Variants in CSMD1 observed in about 807,000 individuals in gnomAD.
CSMD1 encodes the protein CUB and Sushi multiple domains 1.
In CSMD1, 213 loss-of-function variants were observed where a neutral mutation model predicts 417.5. The observed-to-expected ratio is 0.51, with a 90% CI of 0.46 to 0.57. The LOEUF (loss-of-function observed/expected upper bound fraction) is 0.57, where lower values mean the gene tolerates loss of function less well. CSMD1 is among the 20% of genes least tolerant of loss of function. The probability of loss-of-function intolerance (pLI) is 0.00; values close to 1 mark genes in which losing one functional copy is unlikely to be tolerated. For missense variants in CSMD1, 6,923 were observed against 4,529.7 expected, an observed-to-expected ratio of 1.53 and a Z score of -15.17; for synonymous variants, 2,862 against 1,736.8, an observed-to-expected ratio of 1.65 and a Z score of -16.11.
At chr8:4,339,091 T>C (rs530668428) in intron 3 of CSMD1, among the ~76,000 whole-genome samples, 5 of 152,132 alleles carry the variant, frequency 3.3e-5, no homozygotes, top group African/African-American at 1.2e-4. Context: ...GGATTCTGAG[T>C]CTAGACAAAA....
At chr8:3,194,459 T>TATTTTATTTTATTTTATTTTATTTC (rs1362170813) in intron 33 of CSMD1, among the ~76,000 whole-genome samples, 3 of 122,872 alleles carry the variant, frequency 2.4e-5, no homozygotes, top group Admixed American at 1.6e-4. Flanking sequence ...TATTTTATTT[T>TATTTTATTTTATTTTATTTTATTTC]ATTTCATTTC....
chr8:4,522,184 G>A (rs749406766), intron 2 of CSMD1, among the ~76,000 whole-genome samples: 3 of 152,070 alleles, frequency 2.0e-5, no homozygotes, highest in Non-Finnish European at 4.4e-5. Flanking sequence ...AATGAGTCTC[G>A]TGAGAGCTGA....
chr8:4,151,584 T>A, intron 3 of CSMD1, among the ~76,000 whole-genome samples: 1 of 152,206 alleles, frequency 6.6e-6, no homozygotes, highest in East Asian at 1.9e-4. Flanking sequence ...AATGTTATCC[T>A]TGTCAGATAT....
At chr8:3,839,146 CTATA>C (rs1802929900) in intron 5 of CSMD1, among the ~76,000 whole-genome samples, 1 of 123,908 alleles carries the variant, frequency 8.1e-6, no homozygotes, top group African/African-American at 3.0e-5. Context: ...TATATATAGT[CTATA>C]TATCTATAGT....
chr8:3,401,196 C>T (rs1177255699), intron 15 of CSMD1, among the ~76,000 whole-genome samples: 1 of 151,926 alleles, frequency 6.6e-6, no homozygotes, highest in Non-Finnish European at 1.5e-5. Flanking sequence ...AGACATATGG[C>T]AGATGCAGAA....
At chr8:4,664,706 G>A (rs186457786) in intron 1 of CSMD1, among the ~76,000 whole-genome samples, 12 of 152,110 alleles carry the variant, frequency 7.9e-5, no homozygotes, top group African/African-American at 2.4e-4. Flanking sequence ...AAAAATAAAA[G>A]CAAAATTTTA....
intron 9 of CSMD1, among the ~76,000 whole-genome samples, chr8:3,582,420 C>T (rs77227439): frequency 6.6e-6 from 1 of 152,094 alleles, no homozygotes; most frequent in Non-Finnish European, 1.5e-5. Context: ...GAGGAACTTA[C>T]GTATTTTAAT....
chr8:4,358,743 T>C (rs1053145367), intron 3 of CSMD1, among the ~76,000 whole-genome samples: 6 of 152,170 alleles, frequency 3.9e-5, no homozygotes, highest in African/African-American at 1.4e-4. Flanking sequence ...AAGATAAGTG[T>C]ATATGATTTC....
At chr8:4,583,513 A>T (rs1031696292) in intron 2 of CSMD1, among the ~76,000 whole-genome samples, 1 of 152,064 alleles carries the variant, frequency 6.6e-6, no homozygotes, top group Non-Finnish European at 1.5e-5. Context: ...TAAATACACC[A>T]ATCGACACTC....
chr8:4,370,582 G>C (rs1294543673), intron 3 of CSMD1, among the ~76,000 whole-genome samples: 1 of 152,162 alleles, frequency 6.6e-6, no homozygotes, highest in Non-Finnish European at 1.5e-5. Flanking sequence ...AATGAGTTGT[G>C]TTTGGTCTCT....
chr8:4,610,603 G>A (rs1381467787), intron 2 of CSMD1, among the ~76,000 whole-genome samples: 2 of 152,040 alleles, frequency 1.3e-5, no homozygotes, highest in Non-Finnish European at 1.5e-5. Context: ...AATATCTGAT[G>A]GCTGAGTTAC....
intron 1 of CSMD1, among the ~76,000 whole-genome samples, chr8:4,846,110 G>T (rs190831066): frequency 3.9e-5 from 6 of 152,078 alleles, no homozygotes; most frequent in Non-Finnish European, 8.8e-5. Flanking sequence ...GAACTTCCAC[G>T]TGGCCATTGA....
At chr8:4,669,714 C>A (rs1236274748) in intron 1 of CSMD1, among the ~76,000 whole-genome samples, 1 of 152,094 alleles carries the variant, frequency 6.6e-6, no homozygotes, top group East Asian at 1.9e-4. Context: ...TGTTTCTTTT[C>A]TTAAACCCTC....
At chr8:4,970,650 A>G (rs942435842) in intron 1 of CSMD1, among the ~76,000 whole-genome samples, 1 of 152,128 alleles carries the variant, frequency 6.6e-6, no homozygotes, top group Non-Finnish European at 1.5e-5. Context: ...AACACATCAT[A>G]AAAACACTTA....
At chr8:3,509,157 A>T (rs10108457) in intron 10 of CSMD1, among the ~76,000 whole-genome samples, 88,524 of 151,982 alleles carry the variant, frequency 0.58, 26,385 homozygotes, top group African/African-American at 0.7. Flanking sequence ...GATAAGGTCA[A>T]CTCAAAAGTT....
At chr8:4,807,811 C>A (rs1056166311) in intron 1 of CSMD1, among the ~76,000 whole-genome samples, 1 of 151,978 alleles carries the variant, frequency 6.6e-6, no homozygotes, top group African/African-American at 2.4e-5. Context: ...CCATAGAAGC[C>A]AGCCATAATA....
intron 5 of CSMD1, among the ~76,000 whole-genome samples, chr8:3,935,356 T>C (rs539742418): frequency 2.1e-4 from 32 of 152,306 alleles, no homozygotes; most frequent in East Asian, 1.2e-3. Flanking sequence ...ACTTAAGAAA[T>C]TGTCATACAC....
intron 3 of CSMD1, among the ~76,000 whole-genome samples, chr8:4,260,788 C>T (rs370557598): frequency 6.6e-6 from 1 of 152,164 alleles, no homozygotes; most frequent in Non-Finnish European, 1.5e-5. Flanking sequence ...AACTTGAGCA[C>T]TGTCACCTCT....
At position 3,317,418 on chromosome 8, in the gene CSMD1, T is replaced by C. The variant is rs1035060147; in HGVS notation, c.3632-8915A>G. On this transcript the variant is annotated intron_variant, in intron 23 of 69. Transcript: ENST00000635120. ...TAGGCATAGACAGTATGAGTCAACA[T>C]TGACACTCAATCACACAAGTGTGGA... Among the ~76,000 whole-genome samples the C allele has an allele frequency of 5.9e-5, 9 of 152,214 alleles. No homozygotes were observed. In the East Asian group the frequency reaches 7.7e-4, roughly 13 times the overall value.
Sources: allele counts gnomAD v4.1 joint callset (sites outside exome capture counted in the v4.1 genomes callset), GRCh38; gene constraint gnomAD v4.1.1; transcripts MANE v1.5; gene names NCBI Gene and HGNC (gene_info 2026-07-23, HGNC 2026-07-21).